Variants in PLXDC1 observed in about 807,000 individuals in gnomAD.
PLXDC1 encodes the protein plexin domain-containing protein 1.
Under a neutral mutation model 61.3 loss-of-function variants are expected in PLXDC1, and 39 were observed. The ratio of observed to expected loss-of-function variants is 0.64; its 90% CI spans 0.49 to 0.83. The LOEUF is 0.83. Ranked by LOEUF, PLXDC1 falls within the 40% of genes least tolerant of loss-of-function variation. The pLI is 0.00. For missense variants in PLXDC1, 596 were observed against 666.5 expected (o/e 0.89, Z 1.17); for synonymous variants, 212 against 254.5 (o/e 0.83, Z 1.59).
intron 7 of PLXDC1, 80 bp from the exon 8 acceptor site, chr17:39,087,782 G>T: frequency 1.4e-5 from 14 of 983,988 alleles, no homozygotes; most frequent in Non-Finnish European, 2.0e-5. Context: ...CAGTCTGACA[G>T]GTCAGCCTGC....
chr17:39,152,427 G>C, upstream of PLXDC1: 1 of 924,124 alleles, frequency 1.1e-6, no homozygotes, highest in Non-Finnish European at 1.4e-6. Context: ...TCTGGGGATA[G>C]ATAATCTTTT....
At chr17:39,102,357 G>A (rs554429046) in intron 7 of PLXDC1, among the ~76,000 whole-genome samples, 1 of 152,230 alleles carries the variant, frequency 6.6e-6, no homozygotes, top group African/African-American at 2.4e-5. Context: ...CACCTATGAG[G>A]AGGGTAAAGT....
At chr17:39,081,451 TAA>T (rs35707439) in intron 9 of PLXDC1, 66 of 129,998 alleles carry the variant, frequency 5.1e-4, no homozygotes, top group South Asian at 2.7e-3. Context: ...TCATCTCTAC[TAA>T]AAAAAAAAAA....
At chr17:39,070,221 C>T (rs1041893277) in intron 12 of PLXDC1, 1 of 461,314 alleles carries the variant, frequency 2.2e-6, no homozygotes, top group African/African-American at 2.0e-5. Flanking sequence ...GGTAGTTTTC[C>T]AAAATCATGT....
chr17:39,072,043 T>A (rs1909139247), intron 12 of PLXDC1: 1 of 199,864 alleles, frequency 5.0e-6, no homozygotes, highest in Non-Finnish European at 1.0e-5. Flanking sequence ...TCTGCCAGCC[T>A]GAGTGAGGAA....
chr17:39,067,937 G>T lies in PLXDC1; in HGVS notation c.1406C>A (p.Ala469Asp). Reference protein sequence around the residue: ...FIERRPHHWPAMKFRSHPDHS... With the variant: ...FIERRPHHWPDMKFRSHPDHS... The stretch of plus-strand genomic sequence containing the variant: ...GTCAGGGTGGCTGCGAAACTTCATG[G>T]CTGGCCAGTGGTGAGGTCTACGCTG... The change falls in exon 14 of 14, where the codon GCC becomes GAC. Residue 469 changes from alanine to aspartate, a missense_variant. Coordinates refer to ENST00000315392, the MANE Select transcript of PLXDC1 (RefSeq NM_020405.5). The T allele has an allele frequency of 1.2e-6, 2 of 1,614,022 alleles. No homozygotes were observed. Among genetic ancestry groups the T allele is most frequent in the Non-Finnish European group, 1.7e-6 (2 of 1,179,942 alleles).
chr17:39,109,516 C>G (rs1910721591), intron 2 of PLXDC1, 125 bp from the exon 3 acceptor site: 1 of 1,204,446 alleles, frequency 8.3e-7, no homozygotes, highest in Non-Finnish European at 1.2e-6. Context: ...GGTGCTGGAC[C>G]TGTGGCCCCA....
rs1910693591 is a variant in PLXDC1, at chr17:39,108,895, TG to T, written c.469+8del. Reference sequence around the variant, plus strand: ...AGACTCTCCCCGGGGCCCCACGACGTGGCCTTACCTCCAGTTGCTATGGTGA... The same window carrying T: ...AGACTCTCCCCGGGGCCCCACGACGTGCCTTACCTCCAGTTGCTATGGTGA... On this transcript the variant is annotated splice_region_variant and intron_variant, in intron 4 of 13. Coordinates refer to ENST00000315392, the MANE Select transcript of PLXDC1 (RefSeq NM_020405.5). The T allele has an allele frequency of 1.2e-6, 2 of 1,609,448 alleles. No individual in the cohort carries two copies. The highest frequency in any genetic ancestry group is 1.7e-6 in the Non-Finnish European group (2 of 1,176,380).
intron 7 of PLXDC1, among the ~76,000 whole-genome samples, chr17:39,097,568 A>C (rs1050279482): frequency 6.6e-6 from 1 of 152,012 alleles, no homozygotes; most frequent in Non-Finnish European, 1.5e-5. Context: ...GGATGTGAAC[A>C]TGTTCCACTT....
intron 2 of PLXDC1, 30 bp downstream of exon 2, chr17:39,139,605 CCTCCCCCACCCCCACTTCG>C (rs1911864226): frequency 6.7e-7 from 1 of 1,494,604 alleles, no homozygotes; most frequent in African/African-American, 1.4e-5. Flanking sequence ...GCTGGTGAGA[CCTCCCCCACCCCCACTTCG>C]CTCCCCCTCC....
chr17:39,128,980 A>G (rs2143847133), intron 2 of PLXDC1, among the ~76,000 whole-genome samples: 1 of 151,610 alleles, frequency 6.6e-6, no homozygotes, highest in East Asian at 1.9e-4. Context: ...ACTGCACTCC[A>G]GTCTAGGCAA....
intron 1 of PLXDC1, among the ~76,000 whole-genome samples, chr17:39,140,060 G>A (rs66494828): frequency 0.11 from 17,065 of 152,162 alleles, 1,955 homozygotes; most frequent in African/African-American, 0.29. Flanking sequence ...CCAGCTCTCC[G>A]CAGTAGTTAG....
chr17:39,105,893 C>T lies in PLXDC1; in HGVS notation c.772G>A (p.Asp258Asn). 7 of 1,613,906 alleles carry T rather than the reference C, an allele frequency of 4.3e-6. No individual in the cohort carries two copies. Among genetic ancestry groups the T allele is most frequent in the Non-Finnish European group, 5.9e-6 (7 of 1,179,852 alleles). The change falls in exon 7 of 14, where the codon GAT becomes AAT. Residue 258 changes from aspartate to asparagine, a missense_variant. Physicochemically the swap from Asp to Asn is conservative, Grantham distance 23. Transcript: ENST00000315392. ...GATGGATTGAGAATCATGAAGGCAT[C>T]CGATAGGCCGGTTTTGACAGGATGC... ...SQHPVKTGLS[D>N]AFMILNPSPD...
chr17:39,146,637 C>T (rs980729395), intron 1 of PLXDC1, among the ~76,000 whole-genome samples: 1 of 151,152 alleles, frequency 6.6e-6, no homozygotes, highest in Non-Finnish European at 1.5e-5. Context: ...CATGGCAAGA[C>T]CTTGTCTTTT....
chr17:39,143,811 C>A (rs1043400889), intron 1 of PLXDC1, among the ~76,000 whole-genome samples: 2 of 152,218 alleles, frequency 1.3e-5, no homozygotes, highest in Non-Finnish European at 2.9e-5. Flanking sequence ...CCACTGGCTG[C>A]CCACAGATGG....
intron 6 of PLXDC1, among the ~76,000 whole-genome samples, chr17:39,106,345 A>G (rs572798782): frequency 6.6e-6 from 1 of 151,532 alleles, no homozygotes; most frequent in Non-Finnish European, 1.5e-5. Flanking sequence ...CTTCTCCTAA[A>G]TTACTTCCCA....
intron 9 of PLXDC1, chr17:39,079,605 A>G: frequency 2.2e-6 from 1 of 454,008 alleles, no homozygotes; most frequent in Admixed American, 2.4e-5. Context: ...TGATCATTCA[A>G]GGGCATTTCT....
At chr17:39,143,735 T>C (rs1912006266) in intron 1 of PLXDC1, among the ~76,000 whole-genome samples, 1 of 152,202 alleles carries the variant, frequency 6.6e-6, no homozygotes, top group East Asian at 1.9e-4. Flanking sequence ...CTGCCCCTAA[T>C]AGCAACCAGA....
chr17:39,100,001 C>T (rs899744059), intron 7 of PLXDC1, among the ~76,000 whole-genome samples: 2 of 152,188 alleles, frequency 1.3e-5, no homozygotes, highest in African/African-American at 4.8e-5. Context: ...TAAAAAGACC[C>T]TGGTTTGCGT....
Sources: allele counts gnomAD v4.1 joint callset (sites outside exome capture counted in the v4.1 genomes callset), GRCh38; gene constraint gnomAD v4.1.1; transcripts MANE v1.5; gene names NCBI Gene and HGNC (gene_info 2026-07-23, HGNC 2026-07-21).